The following PCDH15 variants were observed in gnomAD, a reference collection of about 807,000 sequenced individuals.
PCDH15 encodes protocadherin related 15, also known as protocadherin-15.
PCDH15 carries 129 observed loss-of-function variants against 178.5 expected under a neutral mutation model. That is an observed-to-expected ratio of 0.72 (90% CI 0.63 to 0.84). PCDH15 has a LOEUF of 0.84. Among genes scored for constraint, PCDH15 ranks in the 40% least tolerant of loss-of-function variants. The probability of loss-of-function intolerance (pLI) is 0.00; values close to 1 mark genes in which losing one functional copy is unlikely to be tolerated. For synonymous variants in PCDH15, 800 were observed against 732.0 expected (o/e 1.09, Z -1.50); for missense variants, 2,230 against 2,099.9 (o/e 1.06, Z -1.21).
At chr10:54,672,136 G>A (rs2094686629) in intron 1 of PCDH15, among the ~76,000 whole-genome samples, 1 of 151,846 alleles carries the variant, frequency 6.6e-6, no homozygotes, top group Non-Finnish European at 1.5e-5. Flanking sequence ...TCCCAGATGG[G>A]ATCATCTAGT....
At chr10:55,436,181 G>T (rs1383516378) in intron 2 of PCDH15, among the ~76,000 whole-genome samples, 1 of 151,950 alleles carries the variant, frequency 6.6e-6, no homozygotes, top group Non-Finnish European at 1.5e-5. Flanking sequence ...TGTAAAGGGA[G>T]GACTGAGCCT....
chr10:53,903,237 G>T lies in PCDH15; in HGVS notation c.3501+6C>A. The stretch of plus-strand genomic sequence containing the variant: ...TAGTTCTGTATATTAACATAATTCC[G>T]CATACCTTCACTCTGAGTACAGAAG... On this transcript the variant is annotated splice_donor_region_variant and intron_variant, in intron 26 of 37. Coordinates refer to ENST00000644397, the MANE Select transcript of PCDH15 (RefSeq NM_001384140.1). 2 of 1,612,036 alleles carry T rather than the reference G, an allele frequency of 1.2e-6. No individual in the cohort carries two copies. The highest frequency in any genetic ancestry group is 1.7e-6 in the Non-Finnish European group (2 of 1,178,978).
intron 2 of PCDH15, among the ~76,000 whole-genome samples, chr10:55,445,075 A>G (rs1390031227): frequency 1.3e-5 from 2 of 152,124 alleles, no homozygotes; most frequent in African/African-American, 4.8e-5. Context: ...CTCCCAAAAA[A>G]AGAAAGGGAA....
At chr10:54,927,167 T>C (rs890624123) in intron 2 of PCDH15, among the ~76,000 whole-genome samples, 23 of 152,216 alleles carry the variant, frequency 1.5e-4, no homozygotes, top group African/African-American at 5.5e-4. Flanking sequence ...TTAAAGAACT[T>C]CTTGATTTCT....
At chr10:54,727,001 T>C (rs956205818) in intron 1 of PCDH15, among the ~76,000 whole-genome samples, 2 of 144,576 alleles carry the variant, frequency 1.4e-5, no homozygotes, top group African/African-American at 5.2e-5. Flanking sequence ...GGTATTAACA[T>C]TAACCATGGA....
At chr10:53,915,978 T>C (rs2083494109) in intron 25 of PCDH15, among the ~76,000 whole-genome samples, 1 of 152,216 alleles carries the variant, frequency 6.6e-6, no homozygotes, top group Admixed American at 6.5e-5. Context: ...CCCCTTCTGA[T>C]ACCAGAATCC....
At chr10:54,489,051 GA>G (rs1379899523) in intron 3 of PCDH15, among the ~76,000 whole-genome samples, 3 of 151,970 alleles carry the variant, frequency 2.0e-5, no homozygotes, top group Admixed American at 2.0e-4. Context: ...GTAACCTTCT[GA>G]CATGAATGGC....
At chr10:54,572,228 T>A (rs186500286) in intron 2 of PCDH15, among the ~76,000 whole-genome samples, 1 of 152,236 alleles carries the variant, frequency 6.6e-6, no homozygotes, top group East Asian at 1.9e-4. Context: ...CAATTACTTA[T>A]TGAGTACCTG....
At chr10:53,877,777 G>A (rs2080353074) in intron 26 of PCDH15, among the ~76,000 whole-genome samples, 1 of 151,940 alleles carries the variant, frequency 6.6e-6, no homozygotes, top group Admixed American at 6.6e-5. Context: ...CTCACCTCCT[G>A]GCTCCTCCCT....
intron 2 of PCDH15, among the ~76,000 whole-genome samples, chr10:55,586,026 T>C (rs1367147813): frequency 2.0e-5 from 3 of 152,132 alleles, no homozygotes; most frequent in Admixed American, 1.3e-4. Context: ...CTAATCTGTT[T>C]GGAAATCATC....
rs530087677 is a variant in PCDH15 at position 53,899,489 on chromosome 10, G to A, written c.3501+3754C>T. On this transcript the variant is annotated intron_variant, in intron 26 of 37. Transcript: ENST00000644397. ...CTATTTCAAAGTCTTATCTTACTTT[G>A]TCAATCTTATTCTATGTCACATTTC... 7.4e-4 allele frequency among the ~76,000 whole-genome samples: 113 copies of A among 151,854 alleles called. 1 individual carries two copies. Among genetic ancestry groups the A allele is most frequent in the African/African-American group, 2.5e-3 (104 of 41,406 alleles).
chr10:54,290,213 A>C (rs2059308154), intron 8 of PCDH15, among the ~76,000 whole-genome samples: 1 of 152,236 alleles, frequency 6.6e-6, no homozygotes, highest in African/African-American at 2.4e-5. Flanking sequence ...GAAACCCTGC[A>C]AGCCAGAACA....
chr10:53,930,899 C>G (rs1252293173), intron 25 of PCDH15, among the ~76,000 whole-genome samples: 1 of 152,190 alleles, frequency 6.6e-6, no homozygotes, highest in Non-Finnish European at 1.5e-5. Context: ...GTACAGCAAG[C>G]AGCAGGACCT....
chr10:54,074,129 C>G (rs904009017), intron 17 of PCDH15, among the ~76,000 whole-genome samples: 1 of 152,186 alleles, frequency 6.6e-6, no homozygotes, highest in Non-Finnish European at 1.5e-5. Context: ...AGCCAGCAGG[C>G]ATCCTCAATG....
intron 1 of PCDH15, among the ~76,000 whole-genome samples, chr10:55,270,851 A>G (rs980885904): frequency 6.6e-5 from 10 of 152,028 alleles, no homozygotes; most frequent in Non-Finnish European, 1.5e-4. Flanking sequence ...GTTCATTGCT[A>G]TACTATTCAC....
intron 2 of PCDH15, among the ~76,000 whole-genome samples, chr10:54,980,806 A>G (rs1171917095): frequency 6.6e-6 from 1 of 151,960 alleles, no homozygotes; most frequent in Non-Finnish European, 1.5e-5. Flanking sequence ...CGATTTATTG[A>G]TATTAAAATT....
intron 1 of PCDH15, among the ~76,000 whole-genome samples, chr10:55,179,829 A>C (rs1389925987): frequency 6.6e-6 from 1 of 151,912 alleles, no homozygotes; most frequent in Non-Finnish European, 1.5e-5. Flanking sequence ...CTTGCTGAAC[A>C]ATGGGAGAGA....
At chr10:53,825,836 A>G (rs972160367) in intron 32 of PCDH15, among the ~76,000 whole-genome samples, 1 of 151,520 alleles carries the variant, frequency 6.6e-6, no homozygotes, top group African/African-American at 2.4e-5. Flanking sequence ...AACTATTTCA[A>G]TGAATACATA....
At chr10:55,242,414 A>G (rs1310038943) in intron 1 of PCDH15, among the ~76,000 whole-genome samples, 1 of 151,350 alleles carries the variant, frequency 6.6e-6, no homozygotes, top group Non-Finnish European at 1.5e-5. Flanking sequence ...TATATTAGTT[A>G]CAGAACTTTG....
Sources: allele counts gnomAD v4.1 joint callset (sites outside exome capture counted in the v4.1 genomes callset), GRCh38; gene constraint gnomAD v4.1.1; transcripts MANE v1.5; gene names NCBI Gene and HGNC (gene_info 2026-07-23, HGNC 2026-07-21).